The following SLC24A2 variants were observed in gnomAD, a reference collection of about 807,000 sequenced individuals.
The protein encoded by SLC24A2 is sodium/potassium/calcium exchanger 2.
Under a neutral mutation model 62.0 loss-of-function variants are expected in SLC24A2, and 36 were observed. That is an observed-to-expected ratio of 0.58 (90% CI 0.44 to 0.77). The LOEUF (loss-of-function observed/expected upper bound fraction) is 0.77. Ranked by LOEUF, SLC24A2 falls within the 30% of genes least tolerant of loss-of-function variation. The probability of loss-of-function intolerance (pLI) is 0.00; values close to 1 mark genes in which losing one functional copy is unlikely to be tolerated. For missense variants in SLC24A2, 846 were observed against 817.9 expected (o/e 1.03, Z -0.42); for synonymous variants, 358 against 294.0 (o/e 1.22, Z -2.23).
At chr9:20,307,100 A>G in the SLC24A2 span, among the ~76,000 whole-genome samples, 4 of 152,164 alleles carry the variant, frequency 2.6e-5, no homozygotes, top group South Asian at 8.3e-4. Flanking sequence ...GTTTACATCG[A>G]TCTTTAAAGG....
At chr9:19,861,026 A>AG in the SLC24A2 span, among the ~76,000 whole-genome samples, 1 of 152,156 alleles carries the variant, frequency 6.6e-6, no homozygotes, top group South Asian at 2.1e-4. Flanking sequence ...CCTGAAGGGA[A>AG]GGAGATAGGC....
chr9:19,694,299 C>A (rs1451267500), intron 2 of SLC24A2, among the ~76,000 whole-genome samples: 7 of 152,076 alleles, frequency 4.6e-5, no homozygotes, highest in Admixed American at 3.9e-4. Flanking sequence ...GTATTTTATA[C>A]AAGGAAAGTC....
the SLC24A2 span, among the ~76,000 whole-genome samples, chr9:20,303,865 A>C: frequency 6.6e-6 from 1 of 152,184 alleles, no homozygotes; most frequent in East Asian, 1.9e-4. Context: ...ACATGCAGAC[A>C]GGGCAGGGGG....
the SLC24A2 span, among the ~76,000 whole-genome samples, chr9:20,109,600 G>C: frequency 2.0e-5 from 3 of 152,198 alleles, no homozygotes; most frequent in Non-Finnish European, 4.4e-5. Context: ...ATCACAACTT[G>C]TTTCTGGAGG....
At chr9:19,724,753 T>C (rs1821121812) in intron 2 of SLC24A2, among the ~76,000 whole-genome samples, 1 of 152,182 alleles carries the variant, frequency 6.6e-6, no homozygotes, top group African/African-American at 2.4e-5. Context: ...ATAAAAAATA[T>C]TTAAAGTCTT....
At chr9:19,707,009 C>A (rs1301372214) in intron 2 of SLC24A2, among the ~76,000 whole-genome samples, 1 of 151,674 alleles carries the variant, frequency 6.6e-6, no homozygotes, top group East Asian at 1.9e-4. Context: ...AGACCGCTAG[C>A]AAGACTAATA....
intron 5 of SLC24A2, among the ~76,000 whole-genome samples, chr9:19,580,001 A>C (rs1286100671): frequency 1.3e-5 from 2 of 152,200 alleles, no homozygotes; most frequent in Admixed American, 6.5e-5. Context: ...TAGGTTCTCA[A>C]ATATCTTACA....
chr9:20,125,038 A>G, the SLC24A2 span, among the ~76,000 whole-genome samples: 29 of 152,182 alleles, frequency 1.9e-4, no homozygotes, highest in Admixed American at 6.6e-5. Flanking sequence ...TCTGAGCCTC[A>G]GTGAAGTGGT....
At chr9:19,965,213 A>G in the SLC24A2 span, among the ~76,000 whole-genome samples, 3 of 152,206 alleles carry the variant, frequency 2.0e-5, no homozygotes, top group Admixed American at 6.5e-5. Flanking sequence ...AGAATGAATC[A>G]TTACCCCAGC....
chr9:19,909,926 G>T, the SLC24A2 span, among the ~76,000 whole-genome samples: 1 of 151,868 alleles, frequency 6.6e-6, no homozygotes, highest in African/African-American at 2.4e-5. Flanking sequence ...CTCTCTTCCT[G>T]CAAACATGTT....
chr9:19,905,265 C>T, the SLC24A2 span, among the ~76,000 whole-genome samples: 1 of 152,276 alleles, frequency 6.6e-6, no homozygotes, highest in South Asian at 2.1e-4. Context: ...GCCCATTAGG[C>T]ATAACCTCCT....
chr9:19,936,131 C>T, the SLC24A2 span, among the ~76,000 whole-genome samples: 3 of 152,012 alleles, frequency 2.0e-5, no homozygotes. Flanking sequence ...CCTTAGAGCC[C>T]ACCGTGATAC....
At chr9:19,673,820 T>C (rs995613696) in intron 2 of SLC24A2, among the ~76,000 whole-genome samples, 1 of 152,240 alleles carries the variant, frequency 6.6e-6, no homozygotes, top group Non-Finnish European at 1.5e-5. Flanking sequence ...TTATCCATTC[T>C]GCCATTCTGT....
the SLC24A2 span, among the ~76,000 whole-genome samples, chr9:20,000,753 GACAGGAAATAT>G: frequency 2.0e-5 from 3 of 152,132 alleles, no homozygotes; most frequent in Non-Finnish European, 4.4e-5. Flanking sequence ...TAAGCATAAA[GACAGGAAATAT>G]ACATGCCCTA....
chr9:20,157,546 C>T, the SLC24A2 span, among the ~76,000 whole-genome samples: 3 of 151,596 alleles, frequency 2.0e-5, no homozygotes, highest in Admixed American at 6.6e-5. Flanking sequence ...CTTCATATTT[C>T]ACAACTACAC....
chr9:19,909,319 C>G, the SLC24A2 span, among the ~76,000 whole-genome samples: 1 of 150,954 alleles, frequency 6.6e-6, no homozygotes, highest in Non-Finnish European at 1.5e-5. Context: ...ACATCACACA[C>G]AGGGGCCTGT....
At chr9:20,184,113 A>C in the SLC24A2 span, among the ~76,000 whole-genome samples, 5 of 152,254 alleles carry the variant, frequency 3.3e-5, no homozygotes, top group Non-Finnish European at 7.3e-5. Flanking sequence ...AAAGAACCTG[A>C]ATAGACAGTT....
At chr9:20,078,717 T>C in the SLC24A2 span, among the ~76,000 whole-genome samples, 2 of 152,132 alleles carry the variant, frequency 1.3e-5, no homozygotes, top group Non-Finnish European at 2.9e-5. Context: ...CTCTGACCTT[T>C]CAGAGCCCCC....
chr9:19,904,575 C>T, the SLC24A2 span, among the ~76,000 whole-genome samples: 1 of 152,148 alleles, frequency 6.6e-6, no homozygotes, highest in Non-Finnish European at 1.5e-5. Flanking sequence ...TAAGACCTGC[C>T]ATAAAATGAT....
Sources: gnomAD v4.1 joint callset for allele counts (sites outside exome capture counted in the v4.1 genomes callset) on GRCh38, gnomAD v4.1.1 for gene constraint, MANE v1.5 for transcripts, NCBI Gene and HGNC (gene_info 2026-07-23, HGNC 2026-07-21) for gene names.